Variants in NCAM1 observed in about 807,000 individuals in gnomAD.
The protein encoded by NCAM1 is antigen recognized by monoclonal antibody 5.1H11.
In NCAM1, 14 loss-of-function variants were observed where a neutral mutation model predicts 109.8. The observed-to-expected ratio is 0.13, with a 90% confidence interval of 0.08 to 0.20. NCAM1 has a LOEUF of 0.20. NCAM1 is among the 10% of genes least tolerant of loss of function. The probability of loss-of-function intolerance (pLI) is 1.00; values close to 1 mark genes in which losing one functional copy is unlikely to be tolerated. For missense variants in NCAM1, 774 were observed against 1,109.9 expected (o/e 0.70, Z 4.30); for synonymous variants, 418 against 442.9 (o/e 0.94, Z 0.70).
chr11:113,094,298 T>C (rs782788152), intron 1 of NCAM1, among the ~76,000 whole-genome samples: 3 of 152,204 alleles, frequency 2.0e-5, no homozygotes, highest in Non-Finnish European at 4.4e-5. Flanking sequence ...TGGCACCATT[T>C]TGATCAGAGT....
intron 15 of NCAM1, among the ~76,000 whole-genome samples, chr11:113,248,847 T>G (rs1466120026): frequency 6.6e-6 from 1 of 152,172 alleles, no homozygotes; most frequent in Non-Finnish European, 1.5e-5. Context: ...CTGTAGAGGA[T>G]TGTGACAGAT....
At position 112,962,778 on chromosome 11, in the gene NCAM1, A is replaced by T. The variant is rs1006016099; in HGVS notation, c.52+1114A>T. On this transcript the variant is annotated intron_variant, in intron 1 of 19. Transcript: ENST00000316851. The surrounding 1 kb of genome is among the most constrained non-coding windows in gnomAD (Gnocchi z 5.6). The stretch of plus-strand genomic sequence containing the variant: ...AGCTGTCATCCCCCCACCTCCACCC[A>T]AGGATTTGCGCTTTGGCTCTGATGG... Among the ~76,000 whole-genome samples the T allele has an allele frequency of 1.1e-4, 17 of 151,026 alleles. No homozygotes were observed. The highest frequency in any genetic ancestry group is 2.2e-4 in the Non-Finnish European group (15 of 67,696).
At chr11:113,009,331 T>TTTTTTTTTTTTTTTTTTTTTTTTTG (rs1565379756) in intron 1 of NCAM1, among the ~76,000 whole-genome samples, 1 of 136,616 alleles carries the variant, frequency 7.3e-6, no homozygotes, top group East Asian at 2.2e-4. Context: ...TTTTTTTTTT[T>TTTTTTTTTTTTTTTTTTTTTTTTTG]TTTTTTTTTT....
Position 113,109,231 on chromosome 11 carries a change from C to T in NCAM1, c.53-93148C>T, listed in dbSNP as rs557189278. Among the ~76,000 whole-genome samples the T allele has an allele frequency of 9.9e-5, 15 of 151,242 alleles. No homozygotes were observed. In the South Asian group the frequency reaches 3.1e-3, roughly 32 times the overall value. On this transcript the variant is annotated intron_variant, in intron 1 of 19. Transcript: ENST00000316851. ...GGCGTGGTGGCATGCACCTGTAGTC[C>T]CAGCTACTCAGGAGGCTGAGGCATG...
At chr11:113,118,200 T>C (rs1940792722) in intron 1 of NCAM1, among the ~76,000 whole-genome samples, 1 of 151,912 alleles carries the variant, frequency 6.6e-6, no homozygotes, top group African/African-American at 2.4e-5. Flanking sequence ...AATCTAAAAA[T>C]AAGATGTTAA....
chr11:113,128,342 G>C (rs987667031), intron 1 of NCAM1, among the ~76,000 whole-genome samples: 4 of 152,146 alleles, frequency 2.6e-5, no homozygotes, highest in Admixed American at 2.6e-4. Context: ...TTATGTGAAA[G>C]GGGAATAAAA....
At chr11:113,227,485 C>G (rs1225495948) in intron 9 of NCAM1, among the ~76,000 whole-genome samples, 1 of 152,106 alleles carries the variant, frequency 6.6e-6, no homozygotes, top group Non-Finnish European at 1.5e-5. Flanking sequence ...AGATTCACAG[C>G]CAAATTCTAC....
intron 1 of NCAM1, among the ~76,000 whole-genome samples, chr11:112,982,303 A>T (rs1555068888): frequency 6.6e-6 from 1 of 151,940 alleles, no homozygotes; most frequent in Non-Finnish European, 1.5e-5. Flanking sequence ...GAATAGATAT[A>T]TCTGAATTCA....
chr11:113,102,968 T>C (rs1591326858), intron 1 of NCAM1, among the ~76,000 whole-genome samples: 1 of 146,034 alleles, frequency 6.8e-6, no homozygotes, highest in Non-Finnish European at 1.5e-5. Context: ...GACATTTAGA[T>C]TATGAAATTT....
chr11:113,131,482 T>G (rs1158281616), intron 1 of NCAM1, among the ~76,000 whole-genome samples: 6 of 152,228 alleles, frequency 3.9e-5, no homozygotes, highest in African/African-American at 9.6e-5. Flanking sequence ...GAAAGAGGGA[T>G]GTGTTGGAAG....
chr11:113,112,713 C>G (rs537779747), intron 1 of NCAM1, among the ~76,000 whole-genome samples: 9 of 152,284 alleles, frequency 5.9e-5, no homozygotes, highest in African/African-American at 2.2e-4. Flanking sequence ...CTTCTCTGTT[C>G]CCCACCCTGT....
At chr11:112,995,879 A>C (rs1046891132) in intron 1 of NCAM1, among the ~76,000 whole-genome samples, 1 of 152,170 alleles carries the variant, frequency 6.6e-6, no homozygotes, top group African/African-American at 2.4e-5. Context: ...TATTGAAGTA[A>C]TCAATCAACT....
intron 8 of NCAM1, among the ~76,000 whole-genome samples, chr11:113,215,217 A>G (rs904179886): frequency 1.3e-5 from 2 of 152,210 alleles, no homozygotes; most frequent in Admixed American, 6.5e-5. Context: ...TTGACAATAT[A>G]TAAAAACTGA....
chr11:113,155,833 TCCCATTCCTCCACTCTCCTC>T (rs1243382574), intron 1 of NCAM1, among the ~76,000 whole-genome samples: 10 of 152,134 alleles, frequency 6.6e-5, no homozygotes, highest in South Asian at 4.2e-4. Context: ...CTCCTCTCCT[TCCCATTCCTCCACTCTCCTC>T]CCCATTCCTC....
Position 112,972,338 on chromosome 11 carries a change from C to T in NCAM1, c.52+10674C>T, listed in dbSNP as rs1303488205. 5.3e-5 allele frequency among the ~76,000 whole-genome samples: 8 copies of T among 152,148 alleles called. No homozygotes were observed. The South Asian group carries it at 6.2e-4, about 12-fold the overall frequency. ...ACCATGAGTTATGGTCAGTACTTTG[C>T]GGGGTTTTTATCACGCCCACAAGTA... On this transcript the variant is annotated intron_variant, in intron 1 of 19. Coordinates refer to ENST00000316851, the MANE Select transcript of NCAM1 (RefSeq NM_181351.5).
In NCAM1 at chr11:113,178,267, A is replaced by T. The variant is rs150582531; in HGVS notation, c.53-24112A>T. Among the ~76,000 whole-genome samples, 29 of 152,238 alleles carry T rather than the reference A, an allele frequency of 1.9e-4. No individual in the cohort carries two copies. The East Asian group carries it at 5.6e-3, about 30-fold the overall frequency. On this transcript the variant is annotated intron_variant, in intron 1 of 19. Transcript: ENST00000316851. ...GAAAAATGGGGGCCAAATGGGAGAG[A>T]AAGACATCGGAGAAGAGTAAAATAA... is the stretch of plus-strand genomic sequence containing the variant.
chr11:113,087,430 C>T (rs1292203469), intron 1 of NCAM1, among the ~76,000 whole-genome samples: 1 of 152,170 alleles, frequency 6.6e-6, no homozygotes, highest in African/African-American at 2.4e-5. Context: ...TGTTGTTTTG[C>T]TTTTTTGTTC....
intron 1 of NCAM1, among the ~76,000 whole-genome samples, chr11:113,075,120 G>A (rs1454766186): frequency 1.3e-5 from 2 of 152,102 alleles, no homozygotes; most frequent in East Asian, 1.9e-4. Flanking sequence ...AGGCTGGAGT[G>A]CAGTGGCACA....
intron 1 of NCAM1, among the ~76,000 whole-genome samples, chr11:113,054,171 C>T (rs1014172772): frequency 1.3e-5 from 2 of 152,108 alleles, no homozygotes; most frequent in Non-Finnish European, 2.9e-5. Context: ...GGCTACCAGC[C>T]GAGTGAGTTA....
Sources: gnomAD v4.1 joint callset for allele counts (sites outside exome capture counted in the v4.1 genomes callset) on GRCh38, gnomAD v4.1.1 for gene constraint, Gnocchi (gnomAD v3.1) non-coding constraint, MANE v1.5 for transcripts, NCBI Gene and HGNC (gene_info 2026-07-23, HGNC 2026-07-21) for gene names.